ADO: variants seen among roughly 807,000 people sequenced by gnomAD.
ADO encodes 2-aminoethanethiol (cysteamine) dioxygenase.
A neutral mutation model predicts 16.6 loss-of-function variants in ADO; 9 were observed. The ratio of observed to expected loss-of-function variants is 0.54; its 90% confidence interval spans 0.33 to 0.95. The LOEUF is 0.95. Among genes scored for constraint, ADO ranks in the 40% least tolerant of loss-of-function variants. The probability of loss-of-function intolerance (pLI) is 0.03; values close to 1 mark genes in which losing one functional copy is unlikely to be tolerated. For missense variants in ADO, 356 were observed against 386.4 expected, an observed-to-expected ratio of 0.92 and a Z score of 0.66; for synonymous variants, 189 against 179.6, an observed-to-expected ratio of 1.05 and a Z score of -0.42.
rs764345807 is a variant in ADO, at chr10:62,805,176, G to T, written c.117G>T (p.Pro39=). The change falls in exon 1 of 1, where the codon CCG becomes CCT. Residue 39 remains proline (P), a synonymous_variant. Coordinates refer to ENST00000373783, the MANE Select transcript of ADO (RefSeq NM_032804.6). The surrounding 1 kb of genome is among the most constrained non-coding windows in gnomAD (Gnocchi z 6.4). ...GASDRDAASG[P]EAPMQPGFPE... ...CCGATCGCGACGCGGCTTCTGGCCCGGAGGCGCCGATGCAGCCGGGCTTCC... is the reference window on the plus strand; with the variant it reads ...CCGATCGCGACGCGGCTTCTGGCCCTGAGGCGCCGATGCAGCCGGGCTTCC... 15 of 1,598,654 alleles carry T rather than the reference G, an allele frequency of 9.4e-6. No individual in the cohort carries two copies. The highest frequency in any genetic ancestry group is 1.7e-5 in the Admixed American group (1 of 58,748).
In ADO at chr10:62,805,717, T is replaced by A; in HGVS notation, c.658T>A (p.Cys220Ser). Reference sequence around the variant, plus strand: ...CTACGACCCGGACGATGGCCGGGACTGCCACTATTACCGGGTGCTGGAGCC... The same window carrying A: ...CTACGACCCGGACGATGGCCGGGACAGCCACTATTACCGGGTGCTGGAGCC... ...PPYDPDDGRD[C>S]HYYRVLEPVR... Residue 220 changes from cysteine (C) to serine (S), a missense_variant, in exon 1 of 1, where the codon TGC becomes AGC. Coordinates refer to ENST00000373783, the MANE Select transcript of ADO (RefSeq NM_032804.6). The surrounding 1 kb of genome is among the most constrained non-coding windows in gnomAD (Gnocchi z 6.4). The A allele has an allele frequency of 1.2e-6, 2 of 1,611,540 alleles. No homozygotes were observed. Among genetic ancestry groups the A allele is most frequent in the Non-Finnish European group, 1.7e-6 (2 of 1,179,448 alleles).
Position 62,806,388 on chromosome 10 carries a change from G to A in ADO, c.*516G>A, listed in dbSNP as rs1430004280. On this transcript the variant is annotated 3_prime_UTR_variant, in exon 1 of 1. Coordinates refer to ENST00000373783, the MANE Select transcript of ADO (RefSeq NM_032804.6). ...TTAAGGAGATGAGCTACTGTTTAAAGTGAGCTGGCCTGCCTAATTAATTCC... is the reference window on the plus strand; with the variant it reads ...TTAAGGAGATGAGCTACTGTTTAAAATGAGCTGGCCTGCCTAATTAATTCC... 6.0e-6 allele frequency: 1 copy of A among 167,398 alleles called. No homozygotes were observed. The highest frequency in any genetic ancestry group is 2.4e-5 in the African/African-American group (1 of 41,472). 10.4% of individuals were successfully genotyped at this position (167,398 alleles called of 1,614,324 possible). A position where few individuals can be genotyped will look rare whatever the true frequency, so the allele number is the denominator to read the frequency against.
chr10:62,805,266 C>T lies in ADO; in HGVS notation c.207C>T (p.Ala69=). ...TCCGCGCCGAGGACTTGAACATCGC[C>T]CCGCGCAAGGCCACACTGCAGCCGC... ...TQLRAEDLNI[A]PRKATLQPLP... is the part of the protein sequence containing the mutation. The change falls in exon 1 of 1, where the codon GCC becomes GCT. Residue 69 remains alanine, a synonymous_variant. Transcript: ENST00000373783. This position sits in a 1 kb window ranked among gnomAD's most constrained non-coding sequence, Gnocchi z 6.4. 1.2e-6 allele frequency: 2 copies of T among 1,603,596 alleles called. No individual in the cohort carries two copies. The highest frequency in any genetic ancestry group is 1.7e-6 in the Non-Finnish European group (2 of 1,178,854).
Position 62,805,165 on chromosome 10 carries a change from G to A in ADO, c.106G>A (p.Ala36Thr). Residue 36 changes from alanine (A) to threonine (T), a missense_variant, in exon 1 of 1, where the codon GCT becomes ACT. Physicochemically the swap from Ala to Thr is moderately conservative, Grantham distance 58 (BLOSUM62 0). Coordinates refer to ENST00000373783, the MANE Select transcript of ADO (RefSeq NM_032804.6). The surrounding 1 kb of genome is among the most constrained non-coding windows in gnomAD (Gnocchi z 6.4). ...CCGCGGCGCTTCCGATCGCGACGCG[G>A]CTTCTGGCCCGGAGGCGCCGATGCA... is the stretch of plus-strand genomic sequence containing the variant. ...GGRGASDRDAASGPEAPMQPG... is the reference protein window; with the variant it reads ...GGRGASDRDATSGPEAPMQPG... 2.5e-6 allele frequency: 4 copies of A among 1,594,600 alleles called. No individual in the cohort carries two copies. The highest frequency in any genetic ancestry group is 3.4e-6 in the Non-Finnish European group (4 of 1,174,580).
In ADO at chr10:62,804,798, C is replaced by G. The variant is rs1199525031; in HGVS notation, c.-262C>G. 2.0e-5 allele frequency: 5 copies of G among 253,834 alleles called. No individual in the cohort carries two copies. Among genetic ancestry groups the G allele is most frequent in the Non-Finnish European group, 3.7e-5 (5 of 135,678 alleles). 15.7% of individuals were successfully genotyped at this position (253,834 alleles called of 1,614,324 possible). A position where few individuals can be genotyped will look rare whatever the true frequency, so the allele number is the denominator to read the frequency against. On this transcript the variant is annotated 5_prime_UTR_variant, in exon 1 of 1. Coordinates refer to ENST00000373783, the MANE Select transcript of ADO (RefSeq NM_032804.6). ...AAGGCAAAGCCTGGCACCGTCTGCGCGGCCGCTATCTGCTCCCGGAGCGTG... is the reference window on the plus strand; with the variant it reads ...AAGGCAAAGCCTGGCACCGTCTGCGGGGCCGCTATCTGCTCCCGGAGCGTG...
rs1177720405 is a variant in ADO at position 62,805,759 on chromosome 10, G to T, written c.700G>T (p.Ala234Ser). The change falls in exon 1 of 1, where the codon GCC (alanine) becomes TCC (serine). Residue 234 changes from alanine (A) to serine (S), a missense_variant. Ala to Ser is a moderately conservative substitution (Grantham distance 99). Coordinates refer to ENST00000373783, the MANE Select transcript of ADO (RefSeq NM_032804.6). The surrounding 1 kb of genome is among the most constrained non-coding windows in gnomAD (Gnocchi z 6.4). ...RVLEPVRPKE[A>S]SSSACDLPRE... ...GCTGGAGCCGGTCAGGCCCAAGGAGGCCTCCAGCTCGGCCTGTGACCTGCC... is the reference window on the plus strand; with the variant it reads ...GCTGGAGCCGGTCAGGCCCAAGGAGTCCTCCAGCTCGGCCTGTGACCTGCC... 2 of 1,606,364 alleles carry T rather than the reference G, an allele frequency of 1.2e-6. No individual in the cohort carries two copies. Among genetic ancestry groups the T allele is most frequent in the African/African-American group, 1.3e-5 (1 of 74,802 alleles).
rs564339739 is a variant in ADO, at chr10:62,807,531, A to G, written c.*1659A>G. 2 of 167,324 alleles carry G rather than the reference A, an allele frequency of 1.2e-5. No individual in the cohort carries two copies. The highest frequency in any genetic ancestry group is 2.4e-5 in the African/African-American group (1 of 41,586). 10.4% of individuals were successfully genotyped at this position (167,324 alleles called of 1,614,324 possible). A position where few individuals can be genotyped will look rare whatever the true frequency, so the allele number is the denominator to read the frequency against. On this transcript the variant is annotated 3_prime_UTR_variant, in exon 1 of 1. Transcript: ENST00000373783. ...ATTTGTTCCCAGTTTTTAAGATAGTATAAAAAAGCAAATACTTGGTGAGTG... is the reference window on the plus strand; with the variant it reads ...ATTTGTTCCCAGTTTTTAAGATAGTGTAAAAAAGCAAATACTTGGTGAGTG...
Position 62,807,768 on chromosome 10 carries a change from A to G in ADO, c.*1896A>G, listed in dbSNP as rs1467120630. The G allele has an allele frequency of 6.0e-6, 1 of 167,218 alleles. No homozygotes were observed. Among genetic ancestry groups the G allele is most frequent in the Non-Finnish European group, 1.5e-5 (1 of 68,114 alleles). The allele number at this position is 167,218 out of a possible 1,614,324, so 10.4% of individuals were successfully genotyped here. A position where few individuals can be genotyped will look rare whatever the true frequency, so the allele number is the denominator to read the frequency against. On this transcript the variant is annotated 3_prime_UTR_variant, in exon 1 of 1. Transcript: ENST00000373783. Reference sequence around the variant, plus strand: ...CCACTTAGTTTGAAAATAAAATTCTAGATATGCAAATGATTTTCTTAGAAA... The same window carrying G: ...CCACTTAGTTTGAAAATAAAATTCTGGATATGCAAATGATTTTCTTAGAAA...
rs748431849 is a variant in ADO at position 62,805,353 on chromosome 10, G to A, written c.294G>A (p.Leu98=). ...MHIYETDGFS[L]GVFLLKSGTS... Reference sequence around the variant, plus strand: ...TCTACGAGACGGACGGCTTCAGCCTGGGCGTGTTCCTGCTCAAGAGCGGCA... The same window carrying A: ...TCTACGAGACGGACGGCTTCAGCCTAGGCGTGTTCCTGCTCAAGAGCGGCA... The change falls in exon 1 of 1, where the codon CTG becomes CTA. Residue 98 remains leucine, a synonymous_variant. Transcript: ENST00000373783. This position sits in a 1 kb window ranked among gnomAD's most constrained non-coding sequence, Gnocchi z 6.4. The A allele has an allele frequency of 3.1e-6, 5 of 1,602,198 alleles. No individual in the cohort carries two copies. In the African/African-American group the frequency reaches 4.0e-5, roughly 13 times the overall value.
At position 62,805,098 on chromosome 10, in the gene ADO, C is replaced by T. The variant is rs781057944; in HGVS notation, c.39C>T (p.Ile13=). The T allele has an allele frequency of 2.9e-5, 44 of 1,528,790 alleles. No homozygotes were observed. The South Asian group carries it at 5.4e-4, about 19-fold the overall frequency. 94.7% of individuals were successfully genotyped at this position (1,528,790 alleles called of 1,614,324 possible). A position where few individuals can be genotyped will look rare whatever the true frequency, so the allele number is the denominator to read the frequency against. ...ACATGGCCTCCTTGATCCAACGGAT[C>T]GCCCGCCAGGCTTGCCTCACCTTCC... is the stretch of plus-strand genomic sequence containing the variant. The part of the protein sequence containing the change: ...RDNMASLIQR[I]ARQACLTFRG... The change falls in exon 1 of 1, where the codon ATC becomes ATT. Residue 13 remains isoleucine, a synonymous_variant. Transcript: ENST00000373783. The surrounding 1 kb of genome is among the most constrained non-coding windows in gnomAD (Gnocchi z 6.4).
Position 62,805,439 on chromosome 10 carries a change from C to T in ADO, c.380C>T (p.Thr127Ile), listed in dbSNP as rs1449123669. Residue 127 changes from threonine to isoleucine, a missense_variant, in exon 1 of 1, where the codon ACC becomes ATC. Thr to Ile is a moderately conservative substitution (Grantham distance 89). Transcript: ENST00000373783. The surrounding 1 kb of genome is among the most constrained non-coding windows in gnomAD (Gnocchi z 6.4). ...GGCATGCTCAAGGTGCTGTACGGCA[C>T]CGTGCGCATCAGCTGCATGGACAAG... is the stretch of plus-strand genomic sequence containing the variant. ...MHGMLKVLYG[T>I]VRISCMDKLD... 1.3e-6 allele frequency: 2 copies of T among 1,560,914 alleles called. No homozygotes were observed. Among genetic ancestry groups the T allele is most frequent in the Admixed American group, 3.8e-5 (2 of 53,242 alleles).
chr10:62,806,450 A>T lies in ADO; in HGVS notation c.*578A>T, dbSNP rs746180057. 3 of 167,280 alleles carry T rather than the reference A, an allele frequency of 1.8e-5. No homozygotes were observed. Among genetic ancestry groups the T allele is most frequent in the Non-Finnish European group, 2.9e-5 (2 of 68,136 alleles). The allele number at this position is 167,280 out of a possible 1,614,324, so 10.4% of individuals were successfully genotyped here. The stretch of plus-strand genomic sequence containing the variant: ...AAATGATTTTTTCAGTTTGGGGATC[A>T]TTCTCACAACATAACTATGCATGTA... On this transcript the variant is annotated 3_prime_UTR_variant, in exon 1 of 1. Coordinates refer to ENST00000373783, the MANE Select transcript of ADO (RefSeq NM_032804.6).
rs1024956258 is a variant in ADO at position 62,804,746 on chromosome 10, G to T, written c.-314G>T. On this transcript the variant is annotated 5_prime_UTR_variant, in exon 1 of 1. Coordinates refer to ENST00000373783, the MANE Select transcript of ADO (RefSeq NM_032804.6). The stretch of plus-strand genomic sequence containing the variant: ...GGCGCCCGGCCACCGTCGTAGGTGC[G>T]GGCCGCATGAATGGAGCGCCGGGCG... The T allele has an allele frequency of 4.9e-6, 1 of 202,698 alleles. No homozygotes were observed. Among genetic ancestry groups the T allele is most frequent in the East Asian group, 1.2e-4 (1 of 8,176 alleles). 12.6% of individuals were successfully genotyped at this position (202,698 alleles called of 1,614,324 possible). A position where few individuals can be genotyped will look rare whatever the true frequency, so the allele number is the denominator to read the frequency against.
In ADO at chr10:62,805,449, C is replaced by T. The variant is rs1400047418; in HGVS notation, c.390C>T (p.Ile130=). ...AGGTGCTGTACGGCACCGTGCGCATCAGCTGCATGGACAAGCTAGACGCGG... is the reference window on the plus strand; with the variant it reads ...AGGTGCTGTACGGCACCGTGCGCATTAGCTGCATGGACAAGCTAGACGCGG... ...MLKVLYGTVR[I]SCMDKLDAGG... is the part of the protein sequence containing the mutation. Residue 130 remains isoleucine, a synonymous_variant, in exon 1 of 1, where the codon ATC becomes ATT. Coordinates refer to ENST00000373783, the MANE Select transcript of ADO (RefSeq NM_032804.6). The surrounding 1 kb of genome is among the most constrained non-coding windows in gnomAD (Gnocchi z 6.4). 1.4e-5 allele frequency: 21 copies of T among 1,555,376 alleles called. No homozygotes were observed. Among genetic ancestry groups the T allele is most frequent in the Non-Finnish European group, 1.4e-5 (16 of 1,153,666 alleles).
rs747858441 is a variant in ADO, at chr10:62,806,157, A to G, written c.*285A>G. The G allele has an allele frequency of 2.8e-5, 10 of 363,176 alleles. No homozygotes were observed. Among genetic ancestry groups the G allele is most frequent in the Non-Finnish European group, 4.6e-5 (9 of 194,892 alleles). 22.5% of individuals were successfully genotyped at this position (363,176 alleles called of 1,614,324 possible). ...TCTGAAGCGCTTCCATCCTAAAGCC[A>G]TAATGAAAATATCTTCCTCTCTTCC... On this transcript the variant is annotated 3_prime_UTR_variant, in exon 1 of 1. Coordinates refer to ENST00000373783, the MANE Select transcript of ADO (RefSeq NM_032804.6).
In ADO at chr10:62,805,664, C is replaced by T. The variant is rs772811468; in HGVS notation, c.605C>T (p.Ala202Val). 6.2e-7 allele frequency: 1 copy of T among 1,610,030 alleles called. No homozygotes were observed. Reference protein sequence around the residue: ...LHQIDAVEGPAAFLDILAPPY... With the variant: ...LHQIDAVEGPVAFLDILAPPY... ...CAGATCGACGCCGTGGAAGGGCCTG[C>T]CGCCTTCCTGGACATCCTGGCCCCG... is the stretch of plus-strand genomic sequence containing the variant. Residue 202 changes from alanine to valine, a missense_variant, in exon 1 of 1, where the codon GCC (alanine) becomes GTC (valine). Coordinates refer to ENST00000373783, the MANE Select transcript of ADO (RefSeq NM_032804.6). The surrounding 1 kb of genome is among the most constrained non-coding windows in gnomAD (Gnocchi z 6.4).
In ADO at chr10:62,805,535, C is replaced by G; in HGVS notation, c.476C>G (p.Pro159Arg). The G allele has an allele frequency of 6.5e-7, 1 of 1,546,726 alleles. No homozygotes were observed. Among genetic ancestry groups the G allele is most frequent in the South Asian group, 1.2e-5 (1 of 84,142 alleles). The change falls in exon 1 of 1, where the codon CCC becomes CGC. Residue 159 changes from proline to arginine, a missense_variant. Physicochemically the swap from Pro to Arg is moderately radical, Grantham distance 103. Coordinates refer to ENST00000373783, the MANE Select transcript of ADO (RefSeq NM_032804.6). The surrounding 1 kb of genome is among the most constrained non-coding windows in gnomAD (Gnocchi z 6.4). ...CAGCAGTTCGAGCCGCCGCTGCAGC[C>G]CCGGGAGCGAGAAGCCGTGCGGCCG... The part of the protein sequence containing the change: ...PEQQFEPPLQ[P>R]REREAVRPGV...
In ADO at chr10:62,805,383, C is replaced by T. The variant is rs1842039689; in HGVS notation, c.324C>T (p.Ser108=). ...TGTTCCTGCTCAAGAGCGGCACGTCCATCCCGCTGCACGACCACCCGGGCA... is the reference window on the plus strand; with the variant it reads ...TGTTCCTGCTCAAGAGCGGCACGTCTATCCCGCTGCACGACCACCCGGGCA... The part of the protein sequence containing the change: ...LGVFLLKSGT[S]IPLHDHPGMH... Residue 108 remains serine (S), a synonymous_variant, in exon 1 of 1, where the codon TCC becomes TCT. Coordinates refer to ENST00000373783, the MANE Select transcript of ADO (RefSeq NM_032804.6). This position sits in a 1 kb window ranked among gnomAD's most constrained non-coding sequence, Gnocchi z 6.4. 2 of 1,594,618 alleles carry T rather than the reference C, an allele frequency of 1.3e-6. No individual in the cohort carries two copies. The highest frequency in any genetic ancestry group is 2.2e-5 in the South Asian group (2 of 89,388).
At position 62,808,082 on chromosome 10, in the gene ADO, A is replaced by G. The variant is rs181199169; in HGVS notation, c.*2210A>G. ...AAGAAAAAACCTAAGGTGCTTTTCA[A>G]AAGAGTAACTGAAATTGTTGCAGGC... On this transcript the variant is annotated 3_prime_UTR_variant, in exon 1 of 1. Transcript: ENST00000373783. 2.4e-5 allele frequency: 4 copies of G among 167,364 alleles called. No individual in the cohort carries two copies. In the East Asian group the frequency reaches 7.5e-4, roughly 31 times the overall value. The allele number at this position is 167,364 out of a possible 1,614,324, so 10.4% of individuals were successfully genotyped here.
Sources: allele counts gnomAD v4.1 joint callset, GRCh38; gene constraint gnomAD v4.1.1; non-coding constraint Gnocchi (gnomAD v3.1); transcripts MANE v1.5; gene names NCBI Gene and HGNC (gene_info 2026-07-23, HGNC 2026-07-21).